CNNM2: variants seen among roughly 807,000 people sequenced by gnomAD.
CNNM2 encodes the protein metal transporter CNNM2.
In CNNM2, 12 loss-of-function variants were observed where a neutral mutation model predicts 66.9. The ratio of observed to expected loss-of-function variants is 0.18; its 90% CI spans 0.11 to 0.29. The LOEUF is 0.29. Ranked by LOEUF, CNNM2 falls within the 10% of genes least tolerant of loss-of-function variation. The probability of loss-of-function intolerance (pLI) is 1.00; values close to 1 mark genes in which losing one functional copy is unlikely to be tolerated. For synonymous variants in CNNM2, 557 were observed against 501.8 expected (o/e 1.11, Z -1.47); for missense variants, 705 against 1,167.7 (o/e 0.60, Z 5.77).
chr10:102,933,435 T>C (rs1424891087), intron 1 of CNNM2, among the ~76,000 whole-genome samples: 3 of 152,240 alleles, frequency 2.0e-5, no homozygotes, highest in Non-Finnish European at 4.4e-5. Flanking sequence ...TCATTGCTTG[T>C]ATATAGATAT....
At chr10:102,959,616 AC>A (rs1847170312) in intron 1 of CNNM2, among the ~76,000 whole-genome samples, 2 of 152,130 alleles carry the variant, frequency 1.3e-5, no homozygotes, top group African/African-American at 4.8e-5. Flanking sequence ...TTGCTCTGTC[AC>A]CCAAGCTGGG....
At chr10:103,012,881 G>A (rs989868335) in intron 1 of CNNM2, among the ~76,000 whole-genome samples, 2 of 152,164 alleles carry the variant, frequency 1.3e-5, no homozygotes, top group Non-Finnish European at 2.9e-5. Flanking sequence ...TCTTTGGAGA[G>A]AAAGTTTACC....
chr10:103,073,868 CAAAAAAAAAAA>C (rs61331007), intron 6 of CNNM2, among the ~76,000 whole-genome samples: 5 of 70,242 alleles, frequency 7.1e-5, no homozygotes, highest in Admixed American at 2.2e-4. Flanking sequence ...GACTCCGTCT[CAAAAAAAAAAA>C]AAAAAAAAAA....
At chr10:102,974,936 T>TG (rs1438034054) in intron 1 of CNNM2, among the ~76,000 whole-genome samples, 1 of 152,168 alleles carries the variant, frequency 6.6e-6, no homozygotes, top group Non-Finnish European at 1.5e-5. Context: ...GAAGAACAAT[T>TG]GAAGAAAGAT....
At position 102,976,920 on chromosome 10, in the gene CNNM2, A is replaced by G. The variant is rs143262526; in HGVS notation, c.1621+56819A>G. Among the ~76,000 whole-genome samples, 143 of 152,214 alleles carry G rather than the reference A, an allele frequency of 9.4e-4. 2 individuals are homozygous for G. The highest frequency in any genetic ancestry group is 9.9e-4 in the Non-Finnish European group (67 of 68,016). ...GAACCCCTTTACCTTTCTTTCATTT[A>G]TGCTACTTCCTTGTTTTGGCATTTC... On this transcript the variant is annotated intron_variant, in intron 1 of 7. Coordinates refer to ENST00000369878, the MANE Select transcript of CNNM2 (RefSeq NM_017649.5).
At chr10:103,016,512 C>T (rs2064453495) in intron 1 of CNNM2, among the ~76,000 whole-genome samples, 1 of 152,004 alleles carries the variant, frequency 6.6e-6, no homozygotes, top group Non-Finnish European at 1.5e-5. Flanking sequence ...AGCAGACAAG[C>T]CTTACATCTA....
chr10:103,056,789 C>A lies in CNNM2; in HGVS notation c.1904-6C>A. Reference sequence around the variant, plus strand: ...ATGTAATATCAAGTTGTGTTTATATCTATAGAAGTAGAAGCATTTAGCCCA... The same window carrying A: ...ATGTAATATCAAGTTGTGTTTATATATATAGAAGTAGAAGCATTTAGCCCA... On this transcript the variant is annotated splice_region_variant and splice_polypyrimidine_tract_variant and intron_variant, in intron 3 of 7. Transcript: ENST00000369878. 1.2e-6 allele frequency: 2 copies of A among 1,613,246 alleles called. No homozygotes were observed. Among genetic ancestry groups the A allele is most frequent in the Non-Finnish European group, 1.7e-6 (2 of 1,179,278 alleles).
At position 103,001,802 on chromosome 10, in the gene CNNM2, G is replaced by A. The variant is rs976668267; in HGVS notation, c.1622-47905G>A. Among the ~76,000 whole-genome samples the A allele has an allele frequency of 5.9e-5, 9 of 152,056 alleles. No individual in the cohort carries two copies. Among genetic ancestry groups the A allele is most frequent in the East Asian group, 1.9e-4 (1 of 5,168 alleles). On this transcript the variant is annotated intron_variant, in intron 1 of 7. Transcript: ENST00000369878. The stretch of plus-strand genomic sequence containing the variant: ...GTGGATCATTTGAGGTCAGGAGTTC[G>A]AGACCAGCCTAGCCAAAATGGTGAA...
At chr10:103,073,689 G>A (rs2065636527) in intron 6 of CNNM2, among the ~76,000 whole-genome samples, 1 of 151,688 alleles carries the variant, frequency 6.6e-6, no homozygotes, top group Non-Finnish European at 1.5e-5. Flanking sequence ...GTGAAACCCC[G>A]TCTCTACTAA....
intron 1 of CNNM2, among the ~76,000 whole-genome samples, chr10:102,925,296 C>CA (rs10624810): frequency 0.26 from 4,562 of 17,594 alleles, 1,332 homozygotes; most frequent in Non-Finnish European, 0.35. Context: ...AACTCCATCT[C>CA]AAAAAAAAAA....
chr10:102,928,598 A>AT (rs979266843), intron 1 of CNNM2, among the ~76,000 whole-genome samples: 2 of 151,926 alleles, frequency 1.3e-5, no homozygotes, highest in Non-Finnish European at 2.9e-5. Flanking sequence ...AAAAAAAAAA[A>AT]AGAAATTTAT....
At chr10:102,929,450 A>C (rs1207030836) in intron 1 of CNNM2, among the ~76,000 whole-genome samples, 1 of 151,794 alleles carries the variant, frequency 6.6e-6, no homozygotes, top group Non-Finnish European at 1.5e-5. Flanking sequence ...CTTTTTTAAA[A>C]AAAAAAAAAA....
chr10:102,974,068 G>T (rs939665370), intron 1 of CNNM2, among the ~76,000 whole-genome samples: 1 of 152,172 alleles, frequency 6.6e-6, no homozygotes, highest in African/African-American at 2.4e-5. Flanking sequence ...ACGTCCTTGG[G>T]AACTAGGTAA....
rs1298551404 is a variant in CNNM2 at position 103,049,828 on chromosome 10, T to C, written c.1743T>C (p.Ile581=). The C allele has an allele frequency of 4.3e-6, 7 of 1,613,728 alleles. No homozygotes were observed. Among genetic ancestry groups the C allele is most frequent in the Non-Finnish European group, 5.9e-6 (7 of 1,179,788 alleles). The change falls in exon 2 of 8, where the codon ATT becomes ATC. Residue 581 remains isoleucine (I), a synonymous_variant. Coordinates refer to ENST00000369878, the MANE Select transcript of CNNM2 (RefSeq NM_017649.5). The part of the protein sequence containing the change: ...DVIEEIIKSE[I]LDETDLYTDN... ...TTGAAGAAATCATCAAATCTGAGAT[T>C]CTTGATGAAACAGATTTATACAGTA...
chr10:102,944,780 T>C (rs746757688), intron 1 of CNNM2, among the ~76,000 whole-genome samples: 6 of 152,160 alleles, frequency 3.9e-5, no homozygotes, highest in Non-Finnish European at 7.4e-5. Context: ...AAACATATTA[T>C]CTAATATTCA....
intron 4 of CNNM2, among the ~76,000 whole-genome samples, chr10:103,066,750 G>A (rs1204452643): frequency 6.6e-6 from 1 of 152,194 alleles, no homozygotes; most frequent in African/African-American, 2.4e-5. Flanking sequence ...GAGCTCTTGT[G>A]TGCCATGTGG....
At chr10:102,933,861 G>A (rs1048721937) in intron 1 of CNNM2, among the ~76,000 whole-genome samples, 1 of 152,116 alleles carries the variant, frequency 6.6e-6, no homozygotes, top group Non-Finnish European at 1.5e-5. Flanking sequence ...TTGTGACAGG[G>A]TCTCCCTCCA....
At chr10:102,955,899 G>A (rs1847016299) in intron 1 of CNNM2, among the ~76,000 whole-genome samples, 1 of 152,216 alleles carries the variant, frequency 6.6e-6, no homozygotes, top group South Asian at 2.1e-4. Context: ...GCTCACGCCT[G>A]TAATCCCAGC....
intron 4 of CNNM2, among the ~76,000 whole-genome samples, chr10:103,060,764 G>A (rs543539353): frequency 1.3e-5 from 2 of 152,234 alleles, no homozygotes; most frequent in East Asian, 3.9e-4. Flanking sequence ...CTCTAAGGAG[G>A]CAACTTGAAA....
Sources: gnomAD v4.1 joint callset for allele counts (sites outside exome capture counted in the v4.1 genomes callset) on GRCh38, gnomAD v4.1.1 for gene constraint, MANE v1.5 for transcripts, NCBI Gene and HGNC (gene_info 2026-07-23, HGNC 2026-07-21) for gene names.